Variants in CACNA1H observed in about 807,000 individuals in gnomAD.
CACNA1H encodes voltage-dependent T-type calcium channel subunit alpha-1H.
CACNA1H carries 149 observed loss-of-function variants against 192.5 expected under a neutral mutation model. The observed-to-expected ratio is 0.77, with a 90% confidence interval of 0.68 to 0.89. The LOEUF is 0.89. CACNA1H is among the 40% of genes least tolerant of loss of function. The probability of loss-of-function intolerance (pLI) is 0.00; values close to 1 mark genes in which losing one functional copy is unlikely to be tolerated. For synonymous variants in CACNA1H, 2,202 were observed against 1,475.2 expected, an observed-to-expected ratio of 1.49 and a Z score of -11.29; for missense variants, 4,257 against 3,423.5, an observed-to-expected ratio of 1.24 and a Z score of -6.08.
chr16:1,168,303 C>T (rs1243084907), intron 2 of CACNA1H, among the ~76,000 whole-genome samples: 1 of 152,132 alleles, frequency 6.6e-6, no homozygotes, highest in Non-Finnish European at 1.5e-5. Context: ...CTCCTAGGGC[C>T]TGAGGCCTGC....
rs760673572 is a variant in CACNA1H, at chr16:1,213,877, C to T, written c.4875C>T (p.Phe1625=). The T allele has an allele frequency of 1.9e-5, 30 of 1,611,502 alleles. No individual in the cohort carries two copies. The highest frequency in any genetic ancestry group is 2.4e-5 in the Non-Finnish European group (28 of 1,179,232). ...ACTATCTCGACCTCTTCATCACCTT[C>T]ATCATCTGTGTCAACGTCATCACCA... is the stretch of plus-strand genomic sequence containing the variant. ...TSHYLDLFIT[F]IICVNVITMS... Residue 1625 remains phenylalanine (F), a synonymous_variant, in exon 27 of 35, where the codon TTC becomes TTT. Coordinates refer to ENST00000348261, the MANE Select transcript of CACNA1H (RefSeq NM_021098.3).
At position 1,220,110 on chromosome 16, in the gene CACNA1H, C is replaced by T. The variant is rs777952986; in HGVS notation, c.6178C>T (p.Arg2060Cys). 1.3e-5 allele frequency: 19 copies of T among 1,488,524 alleles called. No individual in the cohort carries two copies. Among genetic ancestry groups the T allele is most frequent in the African/African-American group, 5.8e-5 (4 of 68,576 alleles). 92.2% of individuals were successfully genotyped at this position (1,488,524 alleles called of 1,614,324 possible). A position where few individuals can be genotyped will look rare whatever the true frequency, so the allele number is the denominator to read the frequency against. Residue 2060 changes from arginine (R) to cysteine (C), a missense_variant, in exon 35 of 35, where the codon CGC becomes TGC. By Grantham distance (180) the Arg-to-Cys change is radical (BLOSUM62 -3). Transcript: ENST00000348261. ...GGGGGGCTCCCTGCAGTCCCCACCA[C>T]GCTCCCCACGGCCCGCCAGCGTCCG... is the stretch of plus-strand genomic sequence containing the variant. ...TQGGSLQSPP[R>C]SPRPASVRTR...
chr16:1,158,429 G>A (rs1442274500), intron 2 of CACNA1H, among the ~76,000 whole-genome samples: 1 of 152,294 alleles, frequency 6.6e-6, no homozygotes, highest in Non-Finnish European at 1.5e-5. Flanking sequence ...GTGATGGGAA[G>A]AGAGGCCCCC....
chr16:1,206,619 C>G, intron 12 of CACNA1H: 1 of 432,722 alleles, frequency 2.3e-6, no homozygotes, highest in South Asian at 3.0e-5. Flanking sequence ...GCTGTGTGCC[C>G]GTCTAGCCTG....
In CACNA1H at chr16:1,203,138, C is replaced by T. The variant is rs76109270; in HGVS notation, c.2002+686C>T. On this transcript the variant is annotated intron_variant, in intron 9 of 34. Transcript: ENST00000348261. ...AGGGTGCCGGGATGCTGTGTGCCCT[C>T]ATGCGCTGGTACCCAGGGCGTGCAG... Among the ~76,000 whole-genome samples the T allele has an allele frequency of 3.6e-3, 547 of 152,308 alleles. 5 individuals are homozygous for T. Among genetic ancestry groups the T allele is most frequent in the African/African-American group, 0.012 (519 of 41,568 alleles).
chr16:1,205,826 C>T (rs979705878), intron 11 of CACNA1H, among the ~76,000 whole-genome samples: 3 of 152,176 alleles, frequency 2.0e-5, no homozygotes, highest in South Asian at 4.1e-4. Flanking sequence ...GATAGGAGAG[C>T]GCCCTCGGCG....
rs1308824475 is a variant in CACNA1H at position 1,202,099 on chromosome 16, T to C, written c.1649T>C (p.Leu550Pro). Reference sequence around the variant, plus strand: ...GAGCCAGGCGCCTGCGACACCAGGCTGGTCCGAGCTGGCGCGCCCCCCTCG... The same window carrying C: ...GAGCCAGGCGCCTGCGACACCAGGCCGGTCCGAGCTGGCGCGCCCCCCTCG... Reference protein sequence around the residue: ...GPEPGACDTRLVRAGAPPSPP... With the variant: ...GPEPGACDTRPVRAGAPPSPP... Residue 550 changes from leucine to proline, a missense_variant, in exon 9 of 35, where the codon CTG (leucine) becomes CCG (proline). Transcript: ENST00000348261. The C allele has an allele frequency of 1.3e-6, 2 of 1,544,788 alleles. No individual in the cohort carries two copies. The highest frequency in any genetic ancestry group is 1.7e-4 in the Middle Eastern group (1 of 5,982).
chr16:1,199,985 C>T (rs901504471), intron 6 of CACNA1H, among the ~76,000 whole-genome samples: 1 of 152,168 alleles, frequency 6.6e-6, no homozygotes, highest in Non-Finnish European at 1.5e-5. Context: ...GTGTTTGTCT[C>T]TGTGGACTTG....
chr16:1,199,453 A>G (rs1350062292), intron 6 of CACNA1H, among the ~76,000 whole-genome samples: 1 of 88,878 alleles, frequency 1.1e-5, no homozygotes, highest in Admixed American at 9.6e-5. Flanking sequence ...GTCGCTGCAT[A>G]TATGCCCCAC....
chr16:1,166,866 A>G (rs1963839349), intron 2 of CACNA1H, among the ~76,000 whole-genome samples: 1 of 152,062 alleles, frequency 6.6e-6, no homozygotes. Context: ...GCTGCTGTTC[A>G]TGGCGCTGCC....
At position 1,200,423 on chromosome 16, in the gene CACNA1H, AGCCGCAGGCCGAGGGGGT is replaced by A. The variant is rs1967706684; in HGVS notation, c.973_990del (p.Pro325_Val330del). The A allele has an allele frequency of 5.0e-6, 8 of 1,609,760 alleles. No homozygotes were observed. In the East Asian group the frequency reaches 1.8e-4, roughly 36 times the overall value. On this transcript the variant is annotated inframe_deletion, in exon 7 of 35. Coordinates refer to ENST00000348261, the MANE Select transcript of CACNA1H (RefSeq NM_021098.3). ...ACCCTGGGCTGGGAGGCCTACACGC[AGCCGCAGGCCGAGGGGGT>A]GGGCGCTGCACGCAACGCCTGCATC...
chr16:1,206,005 C>T (rs1968659034), intron 11 of CACNA1H, 99 bp from the exon 12 acceptor site: 2 of 1,161,038 alleles, frequency 1.7e-6, no homozygotes, highest in Non-Finnish European at 2.4e-6. Flanking sequence ...GCAGCACAGG[C>T]CGCTGTGGCT....
intron 2 of CACNA1H, among the ~76,000 whole-genome samples, chr16:1,176,364 G>A (rs1964889434): frequency 6.6e-6 from 1 of 152,232 alleles, no homozygotes; most frequent in African/African-American, 2.4e-5. Context: ...TGTGAGGACA[G>A]CCAGGCATGG....
At chr16:1,164,270 G>A (rs554152184) in intron 2 of CACNA1H, among the ~76,000 whole-genome samples, 1 of 152,340 alleles carries the variant, frequency 6.6e-6, no homozygotes, top group South Asian at 2.1e-4. Flanking sequence ...TTGCAGGGGT[G>A]CAGTCCAAGG....
At chr16:1,175,591 G>A (rs1964800854) in intron 2 of CACNA1H, among the ~76,000 whole-genome samples, 1 of 152,166 alleles carries the variant, frequency 6.6e-6, no homozygotes, top group Admixed American at 6.5e-5. Flanking sequence ...CTGTTGCCGT[G>A]CCCACTGCTG....
In CACNA1H at chr16:1,168,491, C is replaced by T. The variant is rs550096944; in HGVS notation, c.299+14455C>T. On this transcript the variant is annotated intron_variant, in intron 2 of 34. Coordinates refer to ENST00000348261, the MANE Select transcript of CACNA1H (RefSeq NM_021098.3). ...CTGCTCTGGGGGACCCTCCAGCTTCCCTGCCGGGTGCCCAGGTCACCCCAG... is the reference window on the plus strand; with the variant it reads ...CTGCTCTGGGGGACCCTCCAGCTTCTCTGCCGGGTGCCCAGGTCACCCCAG... 3.3e-5 allele frequency among the ~76,000 whole-genome samples: 5 copies of T among 152,128 alleles called. No individual in the cohort carries two copies. The South Asian group carries it at 1.0e-3, about 32-fold the overall frequency.
chr16:1,220,819 C>G lies in CACNA1H; in HGVS notation c.6887C>G (p.Ser2296Cys). The G allele has an allele frequency of 6.2e-7, 1 of 1,612,838 alleles. No homozygotes were observed. Among genetic ancestry groups the G allele is most frequent in the Non-Finnish European group, 8.5e-7 (1 of 1,179,804 alleles). The change falls in exon 35 of 35, where the codon TCT (serine) becomes TGT (cysteine). Residue 2296 changes from serine to cysteine, a missense_variant. Physicochemically the swap from Ser to Cys is moderately radical, Grantham distance 112. Transcript: ENST00000348261. ...HSVTPESRAS[S>C]SGAIVPLEPP... is the part of the protein sequence containing the mutation. ...GTGACCCCAGAATCCAGAGCTTCCT[C>G]TTCAGGGGCCATAGTGCCCCTGGAA...
chr16:1,202,254 C>T lies in CACNA1H; in HGVS notation c.1804C>T (p.Leu602Phe), dbSNP rs1408004547. The T allele has an allele frequency of 3.2e-6, 5 of 1,570,272 alleles. No homozygotes were observed. Among genetic ancestry groups the T allele is most frequent in the South Asian group, 1.2e-5 (1 of 85,256 alleles). ...AHAAATAAAS[L>F]RLATGLGTMN... The stretch of plus-strand genomic sequence containing the variant: ...TGCCGCAGCCACTGCCGCTGCCAGC[C>T]TCAGACTGGCCACAGGGCTGGGCAC... The change falls in exon 9 of 35, where the codon CTC (leucine) becomes TTC (phenylalanine). Residue 602 changes from leucine to phenylalanine, a missense_variant. By Grantham distance (22) the Leu-to-Phe change is conservative. Transcript: ENST00000348261.
intron 30 of CACNA1H, among the ~76,000 whole-genome samples, 177 bp downstream of exon 30, chr16:1,215,770 C>G (rs1322576684): frequency 6.6e-6 from 1 of 152,184 alleles, no homozygotes; most frequent in Non-Finnish European, 1.5e-5. Flanking sequence ...AGAGGTGGAT[C>G]CAGCCGCTGC....
Sources: gnomAD v4.1 joint callset for allele counts (sites outside exome capture counted in the v4.1 genomes callset) on GRCh38, gnomAD v4.1.1 for gene constraint, MANE v1.5 for transcripts, NCBI Gene and HGNC (gene_info 2026-07-23, HGNC 2026-07-21) for gene names.